CNTN6: variants seen among roughly 807,000 people sequenced by gnomAD.
CNTN6 encodes contactin-6.
A neutral mutation model predicts 122.8 loss-of-function variants in CNTN6; 137 were observed. That is an observed-to-expected ratio of 1.12 (90% CI 0.97 to 1.29). CNTN6 has a LOEUF of 1.29. CNTN6 is among the 50% of genes most tolerant of loss of function. CNTN6 has a pLI of 0.00. For missense variants in CNTN6, 1,634 were observed against 1,223.4 expected (o/e 1.34, Z -5.01); for synonymous variants, 570 against 426.0 (o/e 1.34, Z -4.16).
rs537832745 is a variant in CNTN6, at chr3:1,173,969, G to A, written c.55+25906G>A. The stretch of plus-strand genomic sequence containing the variant: ...CAATACACTGTGATTTTCTGATGCA[G>A]TGGGTATTACTGCCTCACAAAGGGC... On this transcript the variant is annotated intron_variant, in intron 2 of 22. Coordinates refer to ENST00000446702, the MANE Select transcript of CNTN6 (RefSeq NM_001289080.2). 2.0e-5 allele frequency among the ~76,000 whole-genome samples: 3 copies of A among 151,936 alleles called. No individual in the cohort carries two copies. In the South Asian group the frequency reaches 6.2e-4, roughly 32 times the overall value.
chr3:1,212,076 G>T (rs750334627), intron 2 of CNTN6, among the ~76,000 whole-genome samples: 11 of 152,092 alleles, frequency 7.2e-5, no homozygotes, highest in Non-Finnish European at 1.5e-4. Flanking sequence ...ATTGCAGTCA[G>T]ATCATGGAAT....
At chr3:1,283,626 A>G (rs1262411853) in intron 5 of CNTN6, among the ~76,000 whole-genome samples, 2 of 152,308 alleles carry the variant, frequency 1.3e-5, no homozygotes, top group East Asian at 3.9e-4. Context: ...TATCTACAAT[A>G]ATTAAACCCC....
chr3:1,148,760 A>T (rs185524310), intron 2 of CNTN6, among the ~76,000 whole-genome samples: 1 of 152,174 alleles, frequency 6.6e-6, no homozygotes, highest in African/African-American at 2.4e-5. Context: ...GATGGGCTCA[A>T]ATGGGTCTTC....
intron 4 of CNTN6, among the ~76,000 whole-genome samples, chr3:1,278,107 G>A (rs1692744825): frequency 6.6e-6 from 1 of 152,216 alleles, no homozygotes; most frequent in South Asian, 2.1e-4. Context: ...TCCTTGGACA[G>A]ACAAAGTAAA....
intron 4 of CNTN6, among the ~76,000 whole-genome samples, chr3:1,254,107 G>A (rs2094715285): frequency 6.6e-6 from 1 of 152,024 alleles, no homozygotes; most frequent in Admixed American, 6.6e-5. Flanking sequence ...ATTTAAATGT[G>A]TGTTAATGTT....
intron 1 of CNTN6, among the ~76,000 whole-genome samples, chr3:1,138,178 C>T (rs879805464): frequency 2.0e-5 from 3 of 152,230 alleles, no homozygotes; most frequent in Non-Finnish European, 4.4e-5. Context: ...AGAACACAAT[C>T]CCTCTGTGTA....
intron 4 of CNTN6, among the ~76,000 whole-genome samples, chr3:1,262,123 T>C (rs1178349987): frequency 6.6e-6 from 1 of 152,152 alleles, no homozygotes; most frequent in Non-Finnish European, 1.5e-5. Context: ...AGTCCTCAGT[T>C]GCCAAATGGG....
At chr3:1,343,845 A>G (rs13096788) in intron 11 of CNTN6, among the ~76,000 whole-genome samples, 2 of 152,154 alleles carry the variant, frequency 1.3e-5, no homozygotes, top group Admixed American at 6.6e-5. Context: ...ATGGCCAAAA[A>G]CAGAAACTCA....
At chr3:1,299,815 A>G (rs1696885837) in intron 7 of CNTN6, among the ~76,000 whole-genome samples, 2 of 152,308 alleles carry the variant, frequency 1.3e-5, no homozygotes, top group East Asian at 1.9e-4. Flanking sequence ...CGTGCTTATA[A>G]TCTCTATGAA....
chr3:1,205,445 T>G (rs573369427), intron 2 of CNTN6, among the ~76,000 whole-genome samples: 1 of 152,336 alleles, frequency 6.6e-6, no homozygotes, highest in Admixed American at 6.5e-5. Context: ...CTTTCTTTTG[T>G]CAATTCCCTA....
chr3:1,097,125 A>G (rs1292327965), intron 1 of CNTN6, among the ~76,000 whole-genome samples: 1 of 152,230 alleles, frequency 6.6e-6, no homozygotes, highest in Non-Finnish European at 1.5e-5. Flanking sequence ...AGTATTAAAC[A>G]TTTATTACGG....
At chr3:1,195,858 C>T (rs2093769512) in intron 2 of CNTN6, among the ~76,000 whole-genome samples, 1 of 152,086 alleles carries the variant, frequency 6.6e-6, no homozygotes, top group South Asian at 2.1e-4. Context: ...TTCTGTGTTC[C>T]ATACGAGACC....
In CNTN6 at chr3:1,189,275, G is replaced by T. The variant is rs375408128; in HGVS notation, c.56-31412G>T. ...TTTTTGAATATAAAAATCTCCTTTTGGGGGAAAGGGTTATAAGAGGTGGTG... is the reference window on the plus strand; with the variant it reads ...TTTTTGAATATAAAAATCTCCTTTTTGGGGAAAGGGTTATAAGAGGTGGTG... On this transcript the variant is annotated intron_variant, in intron 2 of 22. Coordinates refer to ENST00000446702, the MANE Select transcript of CNTN6 (RefSeq NM_001289080.2). Among the ~76,000 whole-genome samples, 6 of 152,216 alleles carry T rather than the reference G, an allele frequency of 3.9e-5. 1 individual carries two copies. In the South Asian group the frequency reaches 1.0e-3, roughly 26 times the overall value.
chr3:1,281,014 T>G (rs1434025184), intron 5 of CNTN6, among the ~76,000 whole-genome samples: 9 of 152,146 alleles, frequency 5.9e-5, no homozygotes, highest in Non-Finnish European at 1.3e-4. Flanking sequence ...AAGAGCCCCA[T>G]CTCTTGTGAG....
At chr3:1,369,104 C>T (rs113315048) in intron 12 of CNTN6, among the ~76,000 whole-genome samples, 3 of 152,170 alleles carry the variant, frequency 2.0e-5, no homozygotes, top group Non-Finnish European at 2.9e-5. Flanking sequence ...TCTCTGTGAA[C>T]GCTCTTGCCT....
At chr3:1,290,553 G>A (rs1381709853) in intron 5 of CNTN6, among the ~76,000 whole-genome samples, 1 of 152,152 alleles carries the variant, frequency 6.6e-6, no homozygotes, top group Non-Finnish European at 1.5e-5. Flanking sequence ...CTCCATGAGA[G>A]GGTTCTTGGA....
intron 2 of CNTN6, among the ~76,000 whole-genome samples, chr3:1,177,524 C>T (rs1315830288): frequency 6.6e-6 from 1 of 152,154 alleles, no homozygotes; most frequent in Non-Finnish European, 1.5e-5. Flanking sequence ...TCTAGCATCA[C>T]CTTTTTTCTG....
intron 1 of CNTN6, among the ~76,000 whole-genome samples, chr3:1,101,018 T>G (rs2090864803): frequency 6.6e-6 from 1 of 152,192 alleles, no homozygotes; most frequent in African/African-American, 2.4e-5. Flanking sequence ...CCAACCTTGT[T>G]TGAGTTGTGT....
At chr3:1,356,879 G>A (rs960917226) in intron 12 of CNTN6, among the ~76,000 whole-genome samples, 3 of 151,886 alleles carry the variant, frequency 2.0e-5, no homozygotes, top group African/African-American at 4.8e-5. Flanking sequence ...TATTGAAAGT[G>A]ATGCTGCGTG....
Sources: allele counts gnomAD v4.1 joint callset (sites outside exome capture counted in the v4.1 genomes callset), GRCh38; gene constraint gnomAD v4.1.1; transcripts MANE v1.5; gene names NCBI Gene and HGNC (gene_info 2026-07-23, HGNC 2026-07-21).